GRIK5: variants seen among roughly 807,000 people sequenced by gnomAD.
The protein encoded by GRIK5 is glutamate ionotropic receptor kainate type subunit 5.
In GRIK5, 43 loss-of-function variants were observed where a neutral mutation model predicts 97.4. That is an observed-to-expected ratio of 0.44 (90% confidence interval 0.35 to 0.57). The LOEUF (loss-of-function observed/expected upper bound fraction) is 0.57, where lower values mean the gene tolerates loss of function less well. Ranked by LOEUF, GRIK5 falls within the 20% of genes least tolerant of loss-of-function variation. The pLI is 0.01. For missense variants in GRIK5, 1,015 were observed against 1,382.0 expected (o/e 0.73, Z 4.21); for synonymous variants, 580 against 583.5 (o/e 0.99, Z 0.09).
At chr19:42,024,357 G>A (rs566252608) in intron 12 of GRIK5, among the ~76,000 whole-genome samples, 1 of 151,852 alleles carries the variant, frequency 6.6e-6, no homozygotes, top group East Asian at 1.9e-4. Flanking sequence ...GGATTACAGG[G>A]GCATGCCACC....
chr19:42,050,438 T>A (rs570885514), intron 11 of GRIK5, among the ~76,000 whole-genome samples: 2 of 151,650 alleles, frequency 1.3e-5, no homozygotes, highest in African/African-American at 4.8e-5. Context: ...GACGGGCAGA[T>A]CACGAGGTCA....
chr19:42,053,107 G>A (rs957011521), intron 11 of GRIK5, among the ~76,000 whole-genome samples: 1 of 152,208 alleles, frequency 6.6e-6, no homozygotes, highest in Non-Finnish European at 1.5e-5. Flanking sequence ...CCTGTCTGGT[G>A]CTTGGGTACT....
intron 11 of GRIK5, among the ~76,000 whole-genome samples, chr19:42,053,187 G>C (rs1296648059): frequency 2.6e-5 from 4 of 152,198 alleles, no homozygotes; most frequent in Non-Finnish European, 5.9e-5. Flanking sequence ...ATAGCTTCCA[G>C]TCCTGGCTGT....
intron 19 of GRIK5, among the ~76,000 whole-genome samples, chr19:42,001,357 T>C (rs1292667265): frequency 6.6e-6 from 1 of 152,150 alleles, no homozygotes; most frequent in Admixed American, 6.5e-5. Context: ...GCCTCCTGAG[T>C]AGTTGGGACT....
In GRIK5 at chr19:42,022,612, C is replaced by T. The variant is rs1025078902; in HGVS notation, c.1474-258G>A. On this transcript the variant is annotated intron_variant, in intron 12 of 19. Transcript: ENST00000593562. The surrounding 1 kb of genome is among the most constrained non-coding windows in gnomAD (Gnocchi z 4.2). ...CGTCCCCTAGGCCTCAACTGTGTCC[C>T]AGCATCAAGGGCTGGGGATGGAGGG... is the stretch of plus-strand genomic sequence containing the variant. 1 of 984,974 alleles carries T rather than the reference C, an allele frequency of 1.0e-6. No homozygotes were observed. Among genetic ancestry groups the T allele is most frequent in the Non-Finnish European group, 1.2e-6 (1 of 829,780 alleles). 61.0% of individuals were successfully genotyped at this position (984,974 alleles called of 1,614,324 possible). A position where few individuals can be genotyped will look rare whatever the true frequency, so the allele number is the denominator to read the frequency against.
intron 12 of GRIK5, among the ~76,000 whole-genome samples, chr19:42,028,934 C>T (rs551166770): frequency 5.9e-5 from 9 of 152,292 alleles, no homozygotes; most frequent in African/African-American, 1.9e-4. Context: ...CACTCTTGGC[C>T]AGAAAAAGCT....
chr19:42,003,619 C>T lies in GRIK5; in HGVS notation c.2328G>A (p.Glu776=). Reference sequence around the variant, plus strand: ...CCTCCCACCACTTGCGCTTCAGGATCTCCAGCCGGTTGTTCTCCTGAAGCT... The same window carrying T: ...CCTCCCACCACTTGCGCTTCAGGATTTCCAGCCGGTTGTTCTCCTGAAGCT... ...ILQLQENNRL[E]ILKRKWWEGG... Residue 776 remains glutamate, a synonymous_variant, in exon 18 of 20, where the codon GAG becomes GAA. Transcript: ENST00000593562. The surrounding 1 kb of genome is among the most constrained non-coding windows in gnomAD (Gnocchi z 4.2). 9 of 1,613,764 alleles carry T rather than the reference C, an allele frequency of 5.6e-6. No individual in the cohort carries two copies. The highest frequency in any genetic ancestry group is 7.6e-6 in the Non-Finnish European group (9 of 1,179,838).
Position 42,042,458 on chromosome 19 carries a change from C to G in GRIK5, c.1473+94G>C. The G allele has an allele frequency of 9.0e-7, 1 of 1,108,596 alleles. No homozygotes were observed. 68.7% of individuals were successfully genotyped at this position (1,108,596 alleles called of 1,614,324 possible). A position where few individuals can be genotyped will look rare whatever the true frequency, so the allele number is the denominator to read the frequency against. ...GGCTCCTTCCTCTTCTGCCACCAGC[C>G]AGGCTGCTTCTGAGGTTCGACTGGC... On this transcript the variant is annotated intron_variant, in intron 12 of 19. Coordinates refer to ENST00000593562, the MANE Select transcript of GRIK5 (RefSeq NM_002088.5). The surrounding 1 kb of genome is among the most constrained non-coding windows in gnomAD (Gnocchi z 6.9).
Position 42,065,556 on chromosome 19 carries a change from G to A in GRIK5, c.79+136C>T, listed in dbSNP as rs2146188210. On this transcript the variant is annotated intron_variant, in intron 2 of 19. Coordinates refer to ENST00000593562, the MANE Select transcript of GRIK5 (RefSeq NM_002088.5). This position sits in a 1 kb window ranked among gnomAD's most constrained non-coding sequence, Gnocchi z 5.8. ...GGGTCTGGACTCCTGGGTCCTGGGGGAAGGAGGAACTGGAGGCTGGGATTC... is the reference window on the plus strand; with the variant it reads ...GGGTCTGGACTCCTGGGTCCTGGGGAAAGGAGGAACTGGAGGCTGGGATTC... The A allele has an allele frequency of 5.1e-6, 5 of 980,986 alleles. No homozygotes were observed. The highest frequency in any genetic ancestry group is 1.6e-5 in the South Asian group (1 of 61,018). The allele number at this position is 980,986 out of a possible 1,614,324, so 60.8% of individuals were successfully genotyped here.
Position 42,006,321 on chromosome 19 carries a change from C to T in GRIK5, c.2037+324G>A, listed in dbSNP as rs1264324404. ...CCACCCCAAAATACAAAAGATCAAGCACTTTTCACCTTGAAGGGCCTTCCC... is the reference window on the plus strand; with the variant it reads ...CCACCCCAAAATACAAAAGATCAAGTACTTTTCACCTTGAAGGGCCTTCCC... On this transcript the variant is annotated intron_variant, in intron 16 of 19. Transcript: ENST00000593562. The surrounding 1 kb of genome is among the most constrained non-coding windows in gnomAD (Gnocchi z 5.3). 1.3e-5 allele frequency among the ~76,000 whole-genome samples: 2 copies of T among 152,172 alleles called. No homozygotes were observed. Among genetic ancestry groups the T allele is most frequent in the Non-Finnish European group, 2.9e-5 (2 of 68,026 alleles).
rs73051449 is a variant in GRIK5, at chr19:42,031,380, T to C, written c.1474-9026A>G. 5.8e-3 allele frequency among the ~76,000 whole-genome samples: 887 copies of C among 152,332 alleles called. 7 individuals are homozygous for C. Among genetic ancestry groups the C allele is most frequent in the Non-Finnish European group, 9.2e-3 (623 of 68,018 alleles). On this transcript the variant is annotated intron_variant, in intron 12 of 19. Transcript: ENST00000593562. The stretch of plus-strand genomic sequence containing the variant: ...AGTTCTAGGAGCTTCCACGTGGCTC[T>C]TTCTACCATAATGGCCCTGACTCCA...
At chr19:42,044,709 G>C (rs895628262) in intron 11 of GRIK5, among the ~76,000 whole-genome samples, 1 of 152,194 alleles carries the variant, frequency 6.6e-6, no homozygotes, top group Non-Finnish European at 1.5e-5. Flanking sequence ...TAACACTTTG[G>C]GAGGCCAAGA....
rs1347024188 is a variant in GRIK5 at position 42,053,927 on chromosome 19, T to C, written c.1059A>G (p.Val353=). The C allele has an allele frequency of 1.9e-6, 3 of 1,608,688 alleles. No homozygotes were observed. The highest frequency in any genetic ancestry group is 2.6e-6 in the Non-Finnish European group (3 of 1,175,178). The part of the protein sequence containing the change: ...GTSLMNYLRM[V]EYDGLTGRVE... ...CCCGCCCGGTCAGCCCATCATACTC[T>C]ACCTGGCAGGGTGGGGAGGTGGGGC... Residue 353 remains valine, a splice_region_variant and synonymous_variant, in exon 10 of 20, where the codon GTA becomes GTG. Transcript: ENST00000593562.
At chr19:42,059,869 G>A (rs1001672646) in intron 5 of GRIK5, among the ~76,000 whole-genome samples, 7 of 151,856 alleles carry the variant, frequency 4.6e-5, no homozygotes, top group African/African-American at 7.3e-5. Flanking sequence ...TGTGCCAGTC[G>A]CTCAGGCCAA....
At chr19:42,004,149 C>T (rs549582473) in intron 17 of GRIK5, among the ~76,000 whole-genome samples, 1 of 152,156 alleles carries the variant, frequency 6.6e-6, no homozygotes, top group Non-Finnish European at 1.5e-5. Context: ...TGGCACCAAG[C>T]GCCCCACTCC....
Position 42,062,679 on chromosome 19 carries a change from C to T in GRIK5, c.343-26G>A, listed in dbSNP as rs201564867. 5.6e-6 allele frequency: 9 copies of T among 1,613,732 alleles called. No individual in the cohort carries two copies. In the African/African-American group the frequency reaches 9.3e-5, roughly 17 times the overall value. On this transcript the variant is annotated intron_variant, in intron 4 of 19. Coordinates refer to ENST00000593562, the MANE Select transcript of GRIK5 (RefSeq NM_002088.5). This position sits in a 1 kb window ranked among gnomAD's most constrained non-coding sequence, Gnocchi z 5.3. ...CTGGACAGAGAGGAAACTTTGGCCT[C>T]CATCCTGCTTCTCCGCCCAGCCCTC...
intron 15 of GRIK5, among the ~76,000 whole-genome samples, chr19:42,008,876 G>A (rs1370361536): frequency 6.6e-6 from 1 of 152,154 alleles, no homozygotes; most frequent in African/African-American, 2.4e-5. Context: ...ACACATATCT[G>A]AAAGAAAAAT....
chr19:41,998,863 G>A lies in GRIK5; in HGVS notation c.*8C>T. The A allele has an allele frequency of 1.8e-6, 2 of 1,117,308 alleles. No individual in the cohort carries two copies. Among genetic ancestry groups the A allele is most frequent in the Non-Finnish European group, 2.2e-6 (2 of 913,906 alleles). 69.2% of individuals were successfully genotyped at this position (1,117,308 alleles called of 1,614,324 possible). Reference sequence around the variant, plus strand: ...TCAGTCCGGGCGCCCGCACAGCCCCGCCCGTGGTCACTCGTGCTCCGCCAG... The same window carrying A: ...TCAGTCCGGGCGCCCGCACAGCCCCACCCGTGGTCACTCGTGCTCCGCCAG... On this transcript the variant is annotated 3_prime_UTR_variant, in exon 20 of 20. Coordinates refer to ENST00000593562, the MANE Select transcript of GRIK5 (RefSeq NM_002088.5).
In GRIK5 at chr19:42,067,775, G is replaced by C. The variant is rs142624845; in HGVS notation, c.-51+1466C>G. Among the ~76,000 whole-genome samples, 967 of 152,320 alleles carry C rather than the reference G, an allele frequency of 6.3e-3. 5 individuals are homozygous for C. Among genetic ancestry groups the C allele is most frequent in the Non-Finnish European group, 0.011 (717 of 68,028 alleles). On this transcript the variant is annotated intron_variant, in intron 1 of 19. Coordinates refer to ENST00000593562, the MANE Select transcript of GRIK5 (RefSeq NM_002088.5). ...CCCAAGACGTAGGAACTGAGGCTAA[G>C]TGAGAGAGCAAGAGACAGACACAGC...
Sources: gnomAD v4.1 joint callset for allele counts (sites outside exome capture counted in the v4.1 genomes callset) on GRCh38, gnomAD v4.1.1 for gene constraint, Gnocchi (gnomAD v3.1) non-coding constraint, MANE v1.5 for transcripts, NCBI Gene and HGNC (gene_info 2026-07-23, HGNC 2026-07-21) for gene names.